GTF2A1: variants seen among roughly 807,000 people sequenced by gnomAD.
GTF2A1 encodes the protein transcription initiation factor IIA subunit 1.
A neutral mutation model predicts 54.1 loss-of-function variants in GTF2A1; 12 were observed. That is an observed-to-expected ratio of 0.22 (90% CI 0.14 to 0.36). The LOEUF is 0.36. Among genes scored for constraint, GTF2A1 ranks in the 10% least tolerant of loss-of-function variants. The probability of loss-of-function intolerance (pLI) is 1.00; values close to 1 mark genes in which losing one functional copy is unlikely to be tolerated. For missense variants in GTF2A1, 335 were observed against 442.2 expected (o/e 0.76, Z 2.17); for synonymous variants, 145 against 152.0 (o/e 0.95, Z 0.34).
At chr14:81,215,476 C>A (rs1893467942) in intron 2 of GTF2A1, among the ~76,000 whole-genome samples, 1 of 152,148 alleles carries the variant, frequency 6.6e-6, no homozygotes, top group Non-Finnish European at 1.5e-5. Context: ...CCTTGAGAAC[C>A]ACTATTCTAA....
At chr14:81,187,030 T>C (rs1892764276) in intron 7 of GTF2A1, among the ~76,000 whole-genome samples, 1 of 152,126 alleles carries the variant, frequency 6.6e-6, no homozygotes, top group Non-Finnish European at 1.5e-5. Context: ...TATTCTTTAA[T>C]TTAAAATAGG....
In GTF2A1 at chr14:81,176,615, A is replaced by G. The variant is rs1402653379; in HGVS notation, c.*3608T>C. The G allele has an allele frequency of 6.6e-6, 1 of 152,172 alleles. No individual in the cohort carries two copies. The highest frequency in any genetic ancestry group is 1.5e-5 in the Non-Finnish European group (1 of 67,996). 9.4% of individuals were successfully genotyped at this position (152,172 alleles called of 1,614,324 possible). On this transcript the variant is annotated 3_prime_UTR_variant, in exon 9 of 9. Coordinates refer to ENST00000553612, the MANE Select transcript of GTF2A1 (RefSeq NM_015859.4). ...AGTAAGGCAGGCTTAAAAAGGGAAC[A>G]ATATAAACTTCGTAATAATTTTCAT...
intron 6 of GTF2A1, among the ~76,000 whole-genome samples, chr14:81,193,064 T>C (rs1379425563): frequency 6.6e-6 from 1 of 152,190 alleles, no homozygotes; most frequent in Non-Finnish European, 1.5e-5. Flanking sequence ...AACTGCTTCA[T>C]TTATTGAGCA....
rs549700066 is a variant in GTF2A1, at chr14:81,188,862, G to C, written c.934-3242C>G. Among the ~76,000 whole-genome samples the C allele has an allele frequency of 1.1e-4, 17 of 152,020 alleles. No individual in the cohort carries two copies. The South Asian group carries it at 3.5e-3, about 32-fold the overall frequency. On this transcript the variant is annotated intron_variant, in intron 7 of 8. Coordinates refer to ENST00000553612, the MANE Select transcript of GTF2A1 (RefSeq NM_015859.4). ...AAGAGTTTTATAATTTCAGCTCTTA[G>C]ATGTAGGTCCCTAATCCACTTTAAT...
chr14:81,190,117 G>A (rs1892843979), intron 7 of GTF2A1, among the ~76,000 whole-genome samples: 1 of 151,962 alleles, frequency 6.6e-6, no homozygotes, highest in South Asian at 2.1e-4. Context: ...TGAAAATTTA[G>A]ATAAATATAT....
At chr14:81,191,862 A>G (rs1014160247) in intron 7 of GTF2A1, among the ~76,000 whole-genome samples, 1 of 152,196 alleles carries the variant, frequency 6.6e-6, no homozygotes, top group Non-Finnish European at 1.5e-5. Flanking sequence ...TACTTAGATA[A>G]TTTAGAAGAA....
At chr14:81,215,252 C>T (rs1893462134) in intron 2 of GTF2A1, among the ~76,000 whole-genome samples, 1 of 152,196 alleles carries the variant, frequency 6.6e-6, no homozygotes, top group African/African-American at 2.4e-5. Flanking sequence ...GAGAAGTATA[C>T]ATAAAGCATT....
chr14:81,202,286 A>C (rs990200889), intron 3 of GTF2A1, among the ~76,000 whole-genome samples: 3 of 152,220 alleles, frequency 2.0e-5, no homozygotes, highest in African/African-American at 4.8e-5. Context: ...TAACTGTTTT[A>C]CTGATACAAT....
At chr14:81,181,265 ATTAT>A (rs1367209141) in intron 8 of GTF2A1, among the ~76,000 whole-genome samples, 1 of 152,050 alleles carries the variant, frequency 6.6e-6, no homozygotes, top group African/African-American at 2.4e-5. Context: ...AGTCACACTA[ATTAT>A]TTAATGTTCA....
At chr14:81,182,441 G>C (rs1595205583) in intron 8 of GTF2A1, among the ~76,000 whole-genome samples, 1 of 152,128 alleles carries the variant, frequency 6.6e-6, no homozygotes, top group Non-Finnish European at 1.5e-5. Context: ...AAAATCTCAA[G>C]AGTCATTCTT....
chr14:81,187,896 TATCA>T (rs146975482), intron 7 of GTF2A1, among the ~76,000 whole-genome samples: 4,914 of 152,232 alleles, frequency 0.032, 103 homozygotes, highest in Non-Finnish European at 0.053. Flanking sequence ...TTTTGAGGAC[TATCA>T]AACTGTTTCC....
rs1316777141 is a variant in GTF2A1, at chr14:81,197,416, T to C, written c.471A>G (p.Thr157=). Residue 157 remains threonine (T), a synonymous_variant, in exon 5 of 9, where the codon ACA becomes ACG. Transcript: ENST00000553612. ...TCCATCATTCCTAATTACCTGAATT[T>C]GTTAATATCTGCTGAACAGGAGTCA... ...AGVTPVQQIL[T]NSGQLLQVVR... 6.6e-7 allele frequency: 1 copy of C among 1,525,984 alleles called. No homozygotes were observed. The highest frequency in any genetic ancestry group is 1.7e-5 in the Admixed American group (1 of 57,600). 94.5% of individuals were successfully genotyped at this position (1,525,984 alleles called of 1,614,324 possible).
chr14:81,183,805 G>C (rs750121532), intron 8 of GTF2A1, among the ~76,000 whole-genome samples: 1 of 152,118 alleles, frequency 6.6e-6, no homozygotes, highest in Non-Finnish European at 1.5e-5. Flanking sequence ...TTTATTAGTC[G>C]TTCTATGATC....
rs1555390533 is a variant in GTF2A1, at chr14:81,211,873, CTTTATATATATA to C, written c.132+4528_132+4539del. ...ACACATAATTAGAGTGTATCAAGTA[CTTTATATATATA>C]TATATATATATATATATATATATAA... On this transcript the variant is annotated intron_variant, in intron 2 of 8. Transcript: ENST00000553612. Among the ~76,000 whole-genome samples the C allele has an allele frequency of 1.3e-3, 130 of 99,154 alleles. 4 individuals are homozygous for C. The highest frequency in any genetic ancestry group is 4.3e-3 in the Middle Eastern group (1 of 230). The allele number at this position is 99,154 out of a possible 152,430, so 65.0% of individuals were successfully genotyped here. A position where few individuals can be genotyped will look rare whatever the true frequency, so the allele number is the denominator to read the frequency against.
intron 2 of GTF2A1, among the ~76,000 whole-genome samples, chr14:81,208,687 AC>A (rs1893295654): frequency 6.6e-6 from 1 of 152,188 alleles, no homozygotes; most frequent in South Asian, 2.1e-4. Context: ...GCAAGACTGT[AC>A]CCTGCAAAGC....
chr14:81,188,945 A>C (rs1449498940), intron 7 of GTF2A1, among the ~76,000 whole-genome samples: 1 of 152,184 alleles, frequency 6.6e-6, no homozygotes, highest in Non-Finnish European at 1.5e-5. Context: ...CGGATATCTA[A>C]TTGTCCAAGC....
Position 81,176,137 on chromosome 14 carries a change from A to C in GTF2A1, c.*4086T>G, listed in dbSNP as rs1468740172. 6.6e-6 allele frequency: 1 copy of C among 152,158 alleles called. No homozygotes were observed. The highest frequency in any genetic ancestry group is 2.4e-5 in the African/African-American group (1 of 41,430). 9.4% of individuals were successfully genotyped at this position (152,158 alleles called of 1,614,324 possible). Reference sequence around the variant, plus strand: ...CATATACTAGTAAGCAAAGCAAGCAACATTTTTTTTTAAATAACATCTTTA... The same window carrying C: ...CATATACTAGTAAGCAAAGCAAGCACCATTTTTTTTTAAATAACATCTTTA... On this transcript the variant is annotated 3_prime_UTR_variant, in exon 9 of 9. Transcript: ENST00000553612.
intron 2 of GTF2A1, among the ~76,000 whole-genome samples, chr14:81,206,998 G>T (rs1349196063): frequency 6.6e-6 from 1 of 152,140 alleles, no homozygotes; most frequent in Non-Finnish European, 1.5e-5. Flanking sequence ...CTTAAGGAGG[G>T]TCCTAGTCAA....
At chr14:81,216,864 T>C (rs1893499434) in intron 1 of GTF2A1, among the ~76,000 whole-genome samples, 1 of 152,240 alleles carries the variant, frequency 6.6e-6, no homozygotes, top group Non-Finnish European at 1.5e-5. Flanking sequence ...GTTTGAACTC[T>C]GTTGTATGTC....
Sources: allele counts gnomAD v4.1 joint callset (sites outside exome capture counted in the v4.1 genomes callset), GRCh38; gene constraint gnomAD v4.1.1; transcripts MANE v1.5; gene names NCBI Gene and HGNC (gene_info 2026-07-23, HGNC 2026-07-21).